RASAL2: variants seen among roughly 807,000 people sequenced by gnomAD.
The protein encoded by RASAL2 is ras GTPase-activating protein nGAP.
A neutral mutation model predicts 128.9 loss-of-function variants in RASAL2; 58 were observed. That is an observed-to-expected ratio of 0.45 (90% CI 0.36 to 0.56). The LOEUF (loss-of-function observed/expected upper bound fraction) is 0.56. Ranked by LOEUF, RASAL2 falls within the 20% of genes least tolerant of loss-of-function variation. The pLI is 0.00. For synonymous variants in RASAL2, 561 were observed against 580.8 expected (o/e 0.97, Z 0.49); for missense variants, 1,360 against 1,601.6 (o/e 0.85, Z 2.57).
At chr1:178,336,506 A>G (rs1190670337) in intron 3 of RASAL2, among the ~76,000 whole-genome samples, 1 of 152,122 alleles carries the variant, frequency 6.6e-6, no homozygotes, top group African/African-American at 2.4e-5. Context: ...TATCTGCATT[A>G]TATGAGAAAA....
At chr1:178,306,916 A>G (rs2102289605) in intron 3 of RASAL2, among the ~76,000 whole-genome samples, 1 of 151,390 alleles carries the variant, frequency 6.6e-6, no homozygotes, top group East Asian at 1.9e-4. Flanking sequence ...CTAATGCTAG[A>G]TGATAAGTTA....
intron 14 of RASAL2, among the ~76,000 whole-genome samples, chr1:178,463,903 T>TAGACTTTTATGGCATAAA (rs918433141): frequency 6.6e-6 from 1 of 152,108 alleles, no homozygotes; most frequent in Admixed American, 6.5e-5. Context: ...AATCATCAAA[T>TAGACTTTTATGGCATAAA]AGACTTTTAT....
intron 5 of RASAL2, among the ~76,000 whole-genome samples, chr1:178,427,044 C>A (rs944104401): frequency 6.6e-6 from 1 of 152,016 alleles, no homozygotes; most frequent in Non-Finnish European, 1.5e-5. Context: ...ATAGGAGGAA[C>A]GTTTTAGAGG....
At chr1:178,142,190 A>G (rs989743374) in intron 1 of RASAL2, among the ~76,000 whole-genome samples, 2 of 152,126 alleles carry the variant, frequency 1.3e-5, no homozygotes, top group African/African-American at 4.8e-5. Flanking sequence ...TTCCTTTGGC[A>G]GTATCCAGGG....
chr1:178,170,924 T>A (rs1025691892), intron 1 of RASAL2, among the ~76,000 whole-genome samples: 3 of 151,906 alleles, frequency 2.0e-5, no homozygotes, highest in Admixed American at 2.0e-4. Context: ...TTCTCACTTA[T>A]TTTTTATGAA....
intron 3 of RASAL2, among the ~76,000 whole-genome samples, chr1:178,387,240 C>G (rs1672629671): frequency 6.6e-6 from 1 of 152,136 alleles, no homozygotes; most frequent in Non-Finnish European, 1.5e-5. Context: ...TCTTCCCCTT[C>G]TTTCCCCTTT....
chr1:178,181,878 A>G (rs1464194336), intron 1 of RASAL2, among the ~76,000 whole-genome samples: 2 of 152,100 alleles, frequency 1.3e-5, no homozygotes, highest in Non-Finnish European at 2.9e-5. Flanking sequence ...TCAAGGGTAC[A>G]CACTATCAAC....
At chr1:178,301,036 G>A (rs1036264039) in intron 3 of RASAL2, among the ~76,000 whole-genome samples, 10 of 152,316 alleles carry the variant, frequency 6.6e-5, no homozygotes, top group Admixed American at 1.3e-4. Context: ...TGGGATTTTG[G>A]AGGGGGTTGC....
chr1:178,326,819 C>T (rs1482687642), intron 3 of RASAL2, among the ~76,000 whole-genome samples: 4 of 152,202 alleles, frequency 2.6e-5, no homozygotes. Flanking sequence ...GCTGGGATTA[C>T]AGGGGTGAGC....
chr1:178,261,723 T>C (rs1486541139), intron 1 of RASAL2, among the ~76,000 whole-genome samples: 3 of 151,990 alleles, frequency 2.0e-5, no homozygotes, highest in African/African-American at 7.2e-5. Context: ...AAGACCAGCC[T>C]GGCCAAGATG....
chr1:178,176,442 T>C (rs889725970), intron 1 of RASAL2, among the ~76,000 whole-genome samples: 3 of 151,798 alleles, frequency 2.0e-5, no homozygotes, highest in African/African-American at 7.3e-5. Flanking sequence ...TGTTTGTAGA[T>C]ACTGGATATT....
intron 3 of RASAL2, chr1:178,389,341 C>T (rs1672760495): frequency 3.7e-6 from 3 of 809,816 alleles, no homozygotes; most frequent in Admixed American, 6.3e-5. Context: ...TCTGTGTGTG[C>T]GTGTGTATGC....
intron 3 of RASAL2, among the ~76,000 whole-genome samples, chr1:178,362,155 A>G (rs1282480576): frequency 6.6e-6 from 1 of 152,220 alleles, no homozygotes; most frequent in African/African-American, 2.4e-5. Flanking sequence ...ATAACTATTT[A>G]CATAGGATTT....
intron 1 of RASAL2, among the ~76,000 whole-genome samples, chr1:178,106,614 T>C (rs1659100177): frequency 6.6e-6 from 1 of 152,192 alleles, no homozygotes; most frequent in African/African-American, 2.4e-5. Flanking sequence ...GACTTCATGG[T>C]TTTCCTTTTT....
In RASAL2 at chr1:178,473,300, T is replaced by C. The variant is rs868360670; in HGVS notation, c.*61T>C. ...GACCCACTCTCCTATCTCCAGACCTTTACCTAGCCCCTCCAGGTTTACAGA... is the reference window on the plus strand; with the variant it reads ...GACCCACTCTCCTATCTCCAGACCTCTACCTAGCCCCTCCAGGTTTACAGA... On this transcript the variant is annotated 3_prime_UTR_variant, in exon 18 of 18. Coordinates refer to ENST00000367649, the MANE Select transcript of RASAL2 (RefSeq NM_170692.4). 6.3e-6 allele frequency: 10 copies of C among 1,582,710 alleles called. No homozygotes were observed. In the Middle Eastern group the frequency reaches 1.7e-3, roughly 265 times the overall value.
chr1:178,197,421 T>C (rs1662695634), intron 1 of RASAL2, among the ~76,000 whole-genome samples: 1 of 151,422 alleles, frequency 6.6e-6, no homozygotes, highest in Admixed American at 6.6e-5. Context: ...GCCATTGGAC[T>C]CCAGCATGAG....
In RASAL2 at chr1:178,340,714, C is replaced by A. The variant is rs1669828035; in HGVS notation, c.457+40596C>A. ...AAATTTTGAGGAGGAAATCAGGCAT[C>A]AGCTTCCAGGGGTCTAATAACTTCC... is the stretch of plus-strand genomic sequence containing the variant. On this transcript the variant is annotated intron_variant, in intron 3 of 17. Transcript: ENST00000367649. Among the ~76,000 whole-genome samples the A allele has an allele frequency of 2.6e-5, 4 of 152,242 alleles. No homozygotes were observed. In the South Asian group the frequency reaches 8.3e-4, roughly 32 times the overall value.
intron 1 of RASAL2, among the ~76,000 whole-genome samples, chr1:178,182,614 A>C (rs540191315): frequency 6.6e-6 from 1 of 152,302 alleles, no homozygotes; most frequent in Non-Finnish European, 1.5e-5. Context: ...TACTATCTGG[A>C]TCATTCTACC....
intron 1 of RASAL2, among the ~76,000 whole-genome samples, chr1:178,130,088 T>C (rs1660046978): frequency 6.6e-6 from 1 of 152,216 alleles, no homozygotes; most frequent in African/African-American, 2.4e-5. Context: ...AACAGGTCTT[T>C]TCCGTAGTAT....
Sources: allele counts gnomAD v4.1 joint callset (sites outside exome capture counted in the v4.1 genomes callset), GRCh38; gene constraint gnomAD v4.1.1; transcripts MANE v1.5; gene names NCBI Gene and HGNC (gene_info 2026-07-23, HGNC 2026-07-21).